RPS6KC1: variants seen among roughly 807,000 people sequenced by gnomAD.
RPS6KC1 encodes inactive ribosomal protein S6 kinase delta-1.
A neutral mutation model predicts 103.8 loss-of-function variants in RPS6KC1; 54 were observed. The ratio of observed to expected loss-of-function variants is 0.52; its 90% CI spans 0.42 to 0.65. RPS6KC1 has a LOEUF of 0.65. Ranked by LOEUF, RPS6KC1 falls within the 30% of genes least tolerant of loss-of-function variation. The probability of loss-of-function intolerance (pLI) is 0.00; values close to 1 mark genes in which losing one functional copy is unlikely to be tolerated. For synonymous variants in RPS6KC1, 439 were observed against 438.7 expected (o/e 1.00, Z -0.01); for missense variants, 1,151 against 1,253.8 (o/e 0.92, Z 1.24).
At chr1:213,145,970 T>G (rs2087734447) in intron 6 of RPS6KC1, among the ~76,000 whole-genome samples, 1 of 63,960 alleles carries the variant, frequency 1.6e-5, no homozygotes. Context: ...TCATTCTGTT[T>G]TTTTTTTTTT....
intron 5 of RPS6KC1, among the ~76,000 whole-genome samples, chr1:213,119,386 G>A (rs554640506): frequency 4.9e-5 from 7 of 142,662 alleles, no homozygotes; most frequent in African/African-American, 1.6e-4. Context: ...GGTGGAGGTT[G>A]CAGTGAGCCA....
intron 6 of RPS6KC1, among the ~76,000 whole-genome samples, chr1:213,151,504 G>A (rs565581065): frequency 3.7e-4 from 44 of 118,200 alleles, no homozygotes; most frequent in African/African-American, 1.3e-3. Context: ...CGGACGGGGC[G>A]GCTGGACGGG....
chr1:213,397,588 T>TACAC, the RPS6KC1 span, among the ~76,000 whole-genome samples: 683 of 140,464 alleles, frequency 4.9e-3, 8 homozygotes, highest in East Asian at 9.3e-3. Context: ...CAGGAACACA[T>TACAC]ACACACACAC....
At chr1:213,658,488 G>A in the RPS6KC1 span, among the ~76,000 whole-genome samples, 1 of 152,198 alleles carries the variant, frequency 6.6e-6, no homozygotes, top group African/African-American at 2.4e-5. Context: ...GCTGAAGAGA[G>A]GCAGGTAATT....
chr1:213,175,810 T>C (rs2091828923), intron 7 of RPS6KC1, among the ~76,000 whole-genome samples: 1 of 152,220 alleles, frequency 6.6e-6, no homozygotes, highest in Non-Finnish European at 1.5e-5. Flanking sequence ...AATTATTGGT[T>C]ATATGATGAA....
chr1:213,765,443 A>C, the RPS6KC1 span, among the ~76,000 whole-genome samples: 1 of 152,144 alleles, frequency 6.6e-6, no homozygotes, highest in East Asian at 1.9e-4. Flanking sequence ...GGGCATTGCC[A>C]GCTCTTCTCC....
chr1:213,755,944 C>T, the RPS6KC1 span, among the ~76,000 whole-genome samples: 1 of 152,184 alleles, frequency 6.6e-6, no homozygotes, highest in Non-Finnish European at 1.5e-5. Context: ...CATCCTGAAG[C>T]AAACTTAGGC....
chr1:213,078,489 C>T (rs1231875118), intron 3 of RPS6KC1, among the ~76,000 whole-genome samples: 1 of 152,078 alleles, frequency 6.6e-6, no homozygotes, highest in Non-Finnish European at 1.5e-5. Flanking sequence ...GCAGCCTCCA[C>T]CTCCTGGGTT....
the RPS6KC1 span, among the ~76,000 whole-genome samples, chr1:213,294,175 G>A: frequency 6.6e-6 from 1 of 152,184 alleles, no homozygotes; most frequent in Non-Finnish European, 1.5e-5. Context: ...AGAAAAGTCC[G>A]CTGAAGCTCA....
the RPS6KC1 span, among the ~76,000 whole-genome samples, chr1:213,721,986 A>G: frequency 6.6e-6 from 1 of 152,128 alleles, no homozygotes; most frequent in South Asian, 2.1e-4. Context: ...CTCTACTGAG[A>G]AAAGCTTCTC....
At chr1:213,423,039 C>T in the RPS6KC1 span, among the ~76,000 whole-genome samples, 10 of 152,218 alleles carry the variant, frequency 6.6e-5, no homozygotes, top group African/African-American at 2.2e-4. Flanking sequence ...TCTTCAGGCA[C>T]CTACTTCCAG....
chr1:213,606,783 G>T, the RPS6KC1 span, among the ~76,000 whole-genome samples: 3 of 152,278 alleles, frequency 2.0e-5, no homozygotes, highest in East Asian at 5.8e-4. Context: ...TCATTGTGGG[G>T]ATCAAGGTTT....
the RPS6KC1 span, among the ~76,000 whole-genome samples, chr1:213,436,168 G>A: frequency 6.6e-6 from 1 of 152,326 alleles, no homozygotes; most frequent in South Asian, 2.1e-4. Flanking sequence ...GAACGCAACA[G>A]TCTTTGTGAC....
At chr1:213,629,722 C>T in the RPS6KC1 span, among the ~76,000 whole-genome samples, 5 of 152,100 alleles carry the variant, frequency 3.3e-5, no homozygotes, top group South Asian at 4.1e-4. Context: ...TGGCTGGTAC[C>T]GGTTATTCCT....
chr1:213,816,803 T>C, the RPS6KC1 span, among the ~76,000 whole-genome samples: 10 of 152,314 alleles, frequency 6.6e-5, no homozygotes, highest in African/African-American at 2.4e-4. Context: ...CTTATCTCCG[T>C]TTAAACTTTC....
rs931936311 is a variant in RPS6KC1, at chr1:213,150,527, G to A, written c.836-17331G>A. Among the ~76,000 whole-genome samples, 354 of 150,592 alleles carry A rather than the reference G, an allele frequency of 2.4e-3. 1 individual carries two copies. The highest frequency in any genetic ancestry group is 0.01 in the Middle Eastern group (3 of 294). On this transcript the variant is annotated intron_variant, in intron 6 of 14. Transcript: ENST00000366960. ...AGTGGTGATGACTCTTAACGAGCAC[G>A]CTGCCTTCAAGCATCTGTTTAACAA...
chr1:213,859,577 T>C, the RPS6KC1 span, among the ~76,000 whole-genome samples: 1 of 152,230 alleles, frequency 6.6e-6, no homozygotes, highest in Non-Finnish European at 1.5e-5. Context: ...GTCTGTGTTT[T>C]GATAAAGTTT....
At chr1:213,445,205 C>T in the RPS6KC1 span, among the ~76,000 whole-genome samples, 6,738 of 152,164 alleles carry the variant, frequency 0.044, 168 homozygotes, top group African/African-American at 0.06. Context: ...GGCTGAATAA[C>T]GTTATATTCT....
the RPS6KC1 span, among the ~76,000 whole-genome samples, chr1:213,562,359 GTTTTTTTTTTTT>G: frequency 5.5e-5 from 2 of 36,300 alleles, no homozygotes; most frequent in South Asian, 1.1e-3. Flanking sequence ...GAAAAGTTCT[GTTTTTTTTTTTT>G]TTTTTTTTTT....
Sources: gnomAD v4.1 joint callset for allele counts (sites outside exome capture counted in the v4.1 genomes callset) on GRCh38, gnomAD v4.1.1 for gene constraint, MANE v1.5 for transcripts, NCBI Gene and HGNC (gene_info 2026-07-23, HGNC 2026-07-21) for gene names.